PPP4R2: variants seen among roughly 807,000 people sequenced by gnomAD.
PPP4R2 encodes protein phosphatase 4 regulatory subunit 2.
PPP4R2 carries 13 observed loss-of-function variants against 47.2 expected under a neutral mutation model. The ratio of observed to expected loss-of-function variants is 0.28; its 90% CI spans 0.18 to 0.44. The LOEUF is 0.44. Ranked by LOEUF, PPP4R2 falls within the 20% of genes least tolerant of loss-of-function variation. PPP4R2 has a pLI of 1.00. For synonymous variants in PPP4R2, 151 were observed against 163.3 expected, an observed-to-expected ratio of 0.92 and a Z score of 0.57; for missense variants, 421 against 491.2, an observed-to-expected ratio of 0.86 and a Z score of 1.35.
At chr3:73,019,016 GAATA>G (rs10611402) in intron 2 of PPP4R2, among the ~76,000 whole-genome samples, 836 of 70,158 alleles carry the variant, frequency 0.012, 4 homozygotes, top group African/African-American at 0.033. Context: ...TTAGATAAAT[GAATA>G]GAGATATGTA....
At position 73,065,138 on chromosome 3, in the gene PPP4R2, G is replaced by A. The variant is rs1253000721; in HGVS notation, c.925G>A (p.Glu309Lys). The stretch of plus-strand genomic sequence containing the variant: ...TGAAGAAGAGGATGAAGAGGAAGAA[G>A]AAGGTATTTAGAGACCATCTGTAAA... Reference protein sequence around the residue: ...EDEEEDEEEEEESFMTSREMI... With the variant: ...EDEEEDEEEEKESFMTSREMI... Residue 309 changes from glutamate (E) to lysine (K), a missense_variant, in exon 8 of 9, where the codon GAA (glutamate) becomes AAA (lysine). Glu to Lys is a moderately conservative substitution (Grantham distance 56). Coordinates refer to ENST00000356692, the MANE Select transcript of PPP4R2 (RefSeq NM_174907.4). 1 of 1,606,102 alleles carries A rather than the reference G, an allele frequency of 6.2e-7. No individual in the cohort carries two copies. Among genetic ancestry groups the A allele is most frequent in the African/African-American group, 1.3e-5 (1 of 74,652 alleles).
rs1035631333 is a variant in PPP4R2, at chr3:73,066,722, A to G, written c.*1000A>G. 1.3e-5 allele frequency: 2 copies of G among 152,090 alleles called. No homozygotes were observed. The highest frequency in any genetic ancestry group is 6.5e-5 in the Admixed American group (1 of 15,276). The allele number at this position is 152,090 out of a possible 1,614,324, so 9.4% of individuals were successfully genotyped here. A position where few individuals can be genotyped will look rare whatever the true frequency, so the allele number is the denominator to read the frequency against. ...ATTATTCTAGGGTATGCAAATGTCAATGGTATGAAACACCACTGTACTGGA... is the reference window on the plus strand; with the variant it reads ...ATTATTCTAGGGTATGCAAATGTCAGTGGTATGAAACACCACTGTACTGGA... On this transcript the variant is annotated 3_prime_UTR_variant, in exon 9 of 9. Coordinates refer to ENST00000356692, the MANE Select transcript of PPP4R2 (RefSeq NM_174907.4).
intron 2 of PPP4R2, chr3:73,015,853 C>A: frequency 2.4e-6 from 1 of 419,504 alleles, no homozygotes; most frequent in Non-Finnish European, 4.8e-6. Flanking sequence ...TTAGCCAGGA[C>A]GGTCTCGATC....
chr3:73,004,214 C>T (rs1359639877), intron 2 of PPP4R2, among the ~76,000 whole-genome samples: 1 of 151,358 alleles, frequency 6.6e-6, no homozygotes, highest in African/African-American at 2.4e-5. Flanking sequence ...TTTTATTTCC[C>T]CTTTTTGTTG....
intron 2 of PPP4R2, among the ~76,000 whole-genome samples, chr3:73,004,083 G>A (rs1281656361): frequency 2.6e-5 from 4 of 152,016 alleles, no homozygotes; most frequent in Admixed American, 1.3e-4. Flanking sequence ...TGATCTGCCT[G>A]TCTCGGCCTC....
Position 73,017,337 on chromosome 3 carries a change from T to G in PPP4R2, c.116+19179T>G, listed in dbSNP as rs191268967. On this transcript the variant is annotated intron_variant, in intron 2 of 8. Coordinates refer to ENST00000356692, the MANE Select transcript of PPP4R2 (RefSeq NM_174907.4). ...ATAGAGGTATACCTAACCTTTAGTTTCCCATAAATTCTGCCTGTTGTAGCC... is the reference window on the plus strand; with the variant it reads ...ATAGAGGTATACCTAACCTTTAGTTGCCCATAAATTCTGCCTGTTGTAGCC... Among the ~76,000 whole-genome samples the G allele has an allele frequency of 1.6e-3, 197 of 124,872 alleles. 1 individual carries two copies. The highest frequency in any genetic ancestry group is 0.013 in the South Asian group (43 of 3,430). The allele number at this position is 124,872 out of a possible 152,430, so 81.9% of individuals were successfully genotyped here.
At chr3:73,004,949 G>GTGTGTGTT (rs1355311246) in intron 2 of PPP4R2, among the ~76,000 whole-genome samples, 1 of 24,016 alleles carries the variant, frequency 4.2e-5, no homozygotes, top group African/African-American at 3.7e-4. Flanking sequence ...GGAGTCGTGT[G>GTGTGTGTT]TGTGTGTGTG....
At chr3:73,021,878 G>GTA (rs1553646877) in intron 2 of PPP4R2, among the ~76,000 whole-genome samples, 76 of 117,526 alleles carry the variant, frequency 6.5e-4, no homozygotes, top group East Asian at 6.4e-4. Context: ...GTGTGTGTGT[G>GTA]TGTATATATG....
upstream of PPP4R2, chr3:72,996,744 G>A (rs1701349253): frequency 3.3e-6 from 1 of 301,774 alleles, no homozygotes; most frequent in African/African-American, 2.2e-5. Context: ...CGCGCTCTCG[G>A]GTTCCGGGCC....
At chr3:73,029,874 A>G (rs1702136747) in intron 2 of PPP4R2, among the ~76,000 whole-genome samples, 1 of 152,236 alleles carries the variant, frequency 6.6e-6, no homozygotes, top group South Asian at 2.1e-4. Flanking sequence ...CAACTGTAAA[A>G]TATTGTTAGT....
chr3:73,029,130 G>A (rs1167661569), intron 2 of PPP4R2, among the ~76,000 whole-genome samples: 1 of 152,176 alleles, frequency 6.6e-6, no homozygotes, highest in Non-Finnish European at 1.5e-5. Flanking sequence ...TTTTTTTGTA[G>A]AGACAGGATC....
intron 2 of PPP4R2, among the ~76,000 whole-genome samples, chr3:73,003,780 C>T (rs1456602634): frequency 2.6e-5 from 4 of 151,906 alleles, no homozygotes; most frequent in Non-Finnish European, 5.9e-5. Flanking sequence ...CTCACTACAA[C>T]CTCCACCTCC....
At chr3:73,019,621 C>T (rs1701919477) in intron 2 of PPP4R2, among the ~76,000 whole-genome samples, 1 of 152,130 alleles carries the variant, frequency 6.6e-6, no homozygotes, top group South Asian at 2.1e-4. Flanking sequence ...TGATCTGCTC[C>T]CTTTGGCTTC....
intron 2 of PPP4R2, among the ~76,000 whole-genome samples, chr3:73,043,244 A>G (rs1409502933): frequency 6.6e-6 from 1 of 152,212 alleles, no homozygotes; most frequent in Admixed American, 6.5e-5. Flanking sequence ...AATTTTAGGA[A>G]CCAAAAGCAA....
chr3:73,017,851 C>T (rs1405520690), intron 2 of PPP4R2, among the ~76,000 whole-genome samples: 1 of 151,984 alleles, frequency 6.6e-6, no homozygotes, highest in African/African-American at 2.4e-5. Context: ...CTTCAGCCTT[C>T]CGTGTAGCTG....
intron 3 of PPP4R2, among the ~76,000 whole-genome samples, chr3:73,049,560 T>C (rs1702567507): frequency 6.6e-6 from 1 of 152,116 alleles, no homozygotes; most frequent in African/African-American, 2.4e-5. Context: ...AAATAGTACT[T>C]AGACATAGTG....
At position 73,068,948 on chromosome 3, in the gene PPP4R2, T is replaced by C. The variant is rs1467341357; in HGVS notation, c.*3226T>C. On this transcript the variant is annotated 3_prime_UTR_variant, in exon 9 of 9. Transcript: ENST00000356692. ...TTTTGATGAAGGTGAGGGTCAGTTCTCAAGATTTGTGCTAATCATAAAATG... is the reference window on the plus strand; with the variant it reads ...TTTTGATGAAGGTGAGGGTCAGTTCCCAAGATTTGTGCTAATCATAAAATG... 6.6e-6 allele frequency: 1 copy of C among 152,194 alleles called. No individual in the cohort carries two copies. Among genetic ancestry groups the C allele is most frequent in the Non-Finnish European group, 1.5e-5 (1 of 68,036 alleles). The allele number at this position is 152,194 out of a possible 1,614,324, so 9.4% of individuals were successfully genotyped here.
chr3:73,012,611 T>C (rs1031334460), intron 2 of PPP4R2, among the ~76,000 whole-genome samples: 20 of 152,152 alleles, frequency 1.3e-4, no homozygotes, highest in African/African-American at 4.3e-4. Flanking sequence ...CTTTCTCAAA[T>C]ATTTTCAATC....
intron 2 of PPP4R2, among the ~76,000 whole-genome samples, chr3:73,024,839 A>T (rs1422062051): frequency 1.3e-5 from 2 of 152,230 alleles, no homozygotes; most frequent in South Asian, 4.1e-4. Flanking sequence ...GTAAGCCCAA[A>T]AGAAAACTAG....
Sources: allele counts gnomAD v4.1 joint callset (sites outside exome capture counted in the v4.1 genomes callset), GRCh38; gene constraint gnomAD v4.1.1; transcripts MANE v1.5; gene names NCBI Gene and HGNC (gene_info 2026-07-23, HGNC 2026-07-21).